Variants in INTS7 observed in about 807,000 individuals in gnomAD.
INTS7 encodes the protein chromosome 1 open reading frame 73.
Under a neutral mutation model 109.2 loss-of-function variants are expected in INTS7, and 46 were observed. The observed-to-expected ratio is 0.42, with a 90% CI of 0.33 to 0.54. The LOEUF is 0.54. Ranked by LOEUF, INTS7 falls within the 20% of genes least tolerant of loss-of-function variation. The probability of loss-of-function intolerance (pLI) is 0.07; values close to 1 mark genes in which losing one functional copy is unlikely to be tolerated. For synonymous variants in INTS7, 412 were observed against 402.9 expected (o/e 1.02, Z -0.27); for missense variants, 929 against 1,132.4 (o/e 0.82, Z 2.58).
chr1:211,977,489 G>T (rs1165819033), intron 11 of INTS7, among the ~76,000 whole-genome samples: 1 of 152,144 alleles, frequency 6.6e-6, no homozygotes, highest in Non-Finnish European at 1.5e-5. Context: ...GGTCATCAAG[G>T]TAACCTTTTC....
chr1:211,994,911 C>A (rs753581307), intron 7 of INTS7, among the ~76,000 whole-genome samples: 71 of 151,186 alleles, frequency 4.7e-4, no homozygotes, highest in Middle Eastern at 6.9e-3. Context: ...TTGCATTTAA[C>A]TAATTGTTAA....
At chr1:212,029,487 A>T (rs1057093135) in intron 1 of INTS7, among the ~76,000 whole-genome samples, 1 of 152,258 alleles carries the variant, frequency 6.6e-6, no homozygotes, top group Non-Finnish European at 1.5e-5. Flanking sequence ...GACAGTGTGA[A>T]GGAGGTGTGT....
At chr1:211,998,871 AAGATAC>A (rs1665532824) in intron 7 of INTS7, among the ~76,000 whole-genome samples, 2 of 152,224 alleles carry the variant, frequency 1.3e-5, no homozygotes, top group Non-Finnish European at 2.9e-5. Flanking sequence ...CACTTCACTG[AAGATAC>A]AGATGACAAA....
At chr1:212,025,824 A>G (rs1005346430) in intron 1 of INTS7, 5 of 152,304 alleles carry the variant, frequency 3.3e-5, no homozygotes, top group Middle Eastern at 3.4e-3. Context: ...GTATCTTAGA[A>G]TATCTCTGTC....
At chr1:211,958,768 T>C (rs1663477030) in intron 16 of INTS7, among the ~76,000 whole-genome samples, 1 of 152,136 alleles carries the variant, frequency 6.6e-6, no homozygotes, top group Non-Finnish European at 1.5e-5. Flanking sequence ...TATATTCTCT[T>C]TGAGGAAACT....
chr1:211,964,580 C>G (rs1663784971), intron 16 of INTS7, among the ~76,000 whole-genome samples: 1 of 152,166 alleles, frequency 6.6e-6, no homozygotes, highest in African/African-American at 2.4e-5. Flanking sequence ...TACTACAAGT[C>G]TACAGTAACC....
At chr1:211,984,183 G>A (rs1263936542) in intron 8 of INTS7, among the ~76,000 whole-genome samples, 3 of 152,088 alleles carry the variant, frequency 2.0e-5, no homozygotes, top group Non-Finnish European at 2.9e-5. Context: ...CAAAACATTA[G>A]AAAGATGAAA....
At chr1:212,005,425 T>C (rs1190772555) in intron 7 of INTS7, among the ~76,000 whole-genome samples, 1 of 152,222 alleles carries the variant, frequency 6.6e-6, no homozygotes, top group Admixed American at 6.5e-5. Flanking sequence ...TCTAGCTGGA[T>C]GGTAGTTGCA....
Position 211,976,632 on chromosome 1 carries a change from C to T in INTS7, c.1558G>A (p.Val520Ile). 1.9e-6 allele frequency: 3 copies of T among 1,613,976 alleles called. No individual in the cohort carries two copies. Among genetic ancestry groups the T allele is most frequent in the African/African-American group, 1.3e-5 (1 of 75,022 alleles). The change falls in exon 12 of 20, where the codon GTC becomes ATC. Residue 520 changes from valine to isoleucine, a missense_variant. By Grantham distance (29) the Val-to-Ile change is conservative (BLOSUM62 3). Transcript: ENST00000366994. ...CGGTATACAGTCCATCCATTGGAGA[C>T]ACTTTCAAGCTGCTGCTTAATTACT... ...KAVIKQQLES[V>I]SNGWTVYRIA...
At chr1:211,968,919 C>T (rs937880720) in intron 13 of INTS7, among the ~76,000 whole-genome samples, 1 of 152,132 alleles carries the variant, frequency 6.6e-6, no homozygotes, top group Non-Finnish European at 1.5e-5. Flanking sequence ...TGTACAACCA[C>T]TATTCAAAGG....
Position 212,034,498 on chromosome 1 carries a change from G to A in INTS7, c.94+846C>T, listed in dbSNP as rs1044534610. The stretch of plus-strand genomic sequence containing the variant: ...AAGATTTAATTGTATACCAGCTGCC[G>A]AAATGTTTCCCGTACAATAAAAATC... On this transcript the variant is annotated intron_variant, in intron 1 of 19. Transcript: ENST00000366994. Among the ~76,000 whole-genome samples the A allele has an allele frequency of 2.6e-5, 4 of 152,108 alleles. No individual in the cohort carries two copies. In the South Asian group the frequency reaches 6.2e-4, roughly 24 times the overall value.
intron 16 of INTS7, among the ~76,000 whole-genome samples, chr1:211,955,763 C>T (rs1663334837): frequency 6.6e-6 from 1 of 152,116 alleles, no homozygotes; most frequent in Non-Finnish European, 1.5e-5. Context: ...CATTATCTAC[C>T]TACAGTTTAT....
intron 1 of INTS7, among the ~76,000 whole-genome samples, chr1:212,034,728 T>C (rs1667343822): frequency 6.6e-6 from 1 of 152,180 alleles, no homozygotes; most frequent in African/African-American, 2.4e-5. Context: ...AAGCCGAGGC[T>C]AGATGAAGTT....
At chr1:211,985,987 C>T (rs900389389) in intron 8 of INTS7, among the ~76,000 whole-genome samples, 15 of 152,234 alleles carry the variant, frequency 9.9e-5, no homozygotes, top group Admixed American at 6.5e-5. Flanking sequence ...GTGATAATTT[C>T]TCACATCCCT....
At chr1:211,953,705 C>T (rs1392248289) in intron 16 of INTS7, among the ~76,000 whole-genome samples, 1 of 151,452 alleles carries the variant, frequency 6.6e-6, no homozygotes. Flanking sequence ...CCAGTTTCAT[C>T]CATGTCCCTA....
At chr1:212,034,591 C>G (rs1667334786) in intron 1 of INTS7, among the ~76,000 whole-genome samples, 1 of 152,224 alleles carries the variant, frequency 6.6e-6, no homozygotes, top group Non-Finnish European at 1.5e-5. Flanking sequence ...GACCTTGCCT[C>G]CCATATCCAC....
At position 212,011,426 on chromosome 1, in the gene INTS7, G is replaced by A; in HGVS notation, c.510-5C>T. On this transcript the variant is annotated splice_region_variant and splice_polypyrimidine_tract_variant and intron_variant, in intron 4 of 19. Coordinates refer to ENST00000366994, the MANE Select transcript of INTS7 (RefSeq NM_015434.4). Reference sequence around the variant, plus strand: ...CAGATTCCTACAGCAAAATCCCTTTGGAAAAAGAGAACAGAGAACAGAAAA... The same window carrying A: ...CAGATTCCTACAGCAAAATCCCTTTAGAAAAAGAGAACAGAGAACAGAAAA... 6.4e-7 allele frequency: 1 copy of A among 1,568,956 alleles called. No individual in the cohort carries two copies.
At chr1:212,029,258 A>C (rs1372585988) in intron 1 of INTS7, among the ~76,000 whole-genome samples, 1 of 152,242 alleles carries the variant, frequency 6.6e-6, no homozygotes, top group Non-Finnish European at 1.5e-5. Flanking sequence ...TTTAAGGCTA[A>C]ATTTCTAGGA....
intron 12 of INTS7, among the ~76,000 whole-genome samples, chr1:211,975,715 G>A (rs1664390856): frequency 6.6e-6 from 1 of 152,166 alleles, no homozygotes; most frequent in African/African-American, 2.4e-5. Flanking sequence ...TATTTAGTGG[G>A]TGAGAGAAAC....
Sources: allele counts gnomAD v4.1 joint callset (sites outside exome capture counted in the v4.1 genomes callset), GRCh38; gene constraint gnomAD v4.1.1; transcripts MANE v1.5; gene names NCBI Gene and HGNC (gene_info 2026-07-23, HGNC 2026-07-21).